PLAC1: variants seen among roughly 807,000 people sequenced by gnomAD.
PLAC1 encodes the protein placenta-specific protein 1.
For missense variants in PLAC1, 136 were observed against 163.2 expected (o/e 0.83, Z 0.91); for synonymous variants, 68 against 62.1 (o/e 1.09, Z -0.44).
chrX:134,694,167 C>T (rs2078554457), intron 2 of PLAC1, among the ~76,000 whole-genome samples: 2 of 111,219 alleles, frequency 1.8e-5, no homozygotes, highest in South Asian at 7.7e-4. Flanking sequence ...TGAGTAGAGC[C>T]TGTGTCTAAA....
chrX:134,577,618 G>A (rs1050459368), intron 2 of PLAC1, among the ~76,000 whole-genome samples: 4 of 111,020 alleles, frequency 3.6e-5, no homozygotes, highest in African/African-American at 9.8e-5. Flanking sequence ...GAACTGGGGG[G>A]CAGAGGTTGC....
intron 2 of PLAC1, among the ~76,000 whole-genome samples, chrX:134,594,323 C>A (rs2078052876): frequency 9.0e-6 from 1 of 111,279 alleles, no homozygotes; most frequent in Non-Finnish European, 1.9e-5. Context: ...TTAATTTTTG[C>A]ATTTACATTC....
intron 1 of PLAC1, among the ~76,000 whole-genome samples, chrX:134,610,126 C>T (rs752677980): frequency 9.0e-5 from 10 of 110,860 alleles, no homozygotes; most frequent in Admixed American, 1.9e-4. Context: ...TACAGGCGTG[C>T]GCCACCACAC....
At chrX:134,568,287 T>C (rs1349284630) in intron 2 of PLAC1, among the ~76,000 whole-genome samples, 2 of 113,074 alleles carry the variant, frequency 1.8e-5, no homozygotes, top group South Asian at 3.6e-4. Flanking sequence ...ATGCCTACTA[T>C]GTGCACGGCA....
At chrX:134,655,805 C>T (rs2078388713) in intron 1 of PLAC1, among the ~76,000 whole-genome samples, 1 of 112,468 alleles carries the variant, frequency 8.9e-6, no homozygotes, top group Non-Finnish European at 1.9e-5. Flanking sequence ...AAACCAGGCT[C>T]TGTTTTATAT....
intron 2 of PLAC1, among the ~76,000 whole-genome samples, chrX:134,585,908 G>A (rs1282109755): frequency 8.9e-6 from 1 of 112,041 alleles, no homozygotes; most frequent in African/African-American, 3.2e-5. Context: ...GACTTCCTGA[G>A]TCACAGCATT....
intron 1 of PLAC1, among the ~76,000 whole-genome samples, chrX:134,639,672 T>A (rs888448697): frequency 8.9e-6 from 1 of 112,333 alleles, no homozygotes; most frequent in Middle Eastern, 4.2e-3. Context: ...ATCACCTCTA[T>A]CTAGTTCCAA....
chrX:134,655,864 G>T (rs2032508927), intron 1 of PLAC1, among the ~76,000 whole-genome samples: 1 of 112,255 alleles, frequency 8.9e-6, no homozygotes, highest in Non-Finnish European at 1.9e-5. Flanking sequence ...CCTAGTAGCA[G>T]CATTGCCCAG....
At chrX:134,569,427 C>G (rs933468026) in intron 2 of PLAC1, among the ~76,000 whole-genome samples, 10 of 111,422 alleles carry the variant, frequency 9.0e-5, no homozygotes, top group African/African-American at 3.3e-4. Context: ...TTTCCTCTGA[C>G]TTTCATAAAG....
chrX:134,618,597 G>GTTTTTTTATGTTT (rs1384610270), intron 1 of PLAC1, among the ~76,000 whole-genome samples: 2 of 111,249 alleles, frequency 1.8e-5, no homozygotes, highest in Non-Finnish European at 3.8e-5. Context: ...TTTTATTTTA[G>GTTTTTTTATGTTT]TAGAGACGTG....
intron 2 of PLAC1, among the ~76,000 whole-genome samples, chrX:134,700,815 T>C (rs1401232771): frequency 8.9e-6 from 1 of 111,956 alleles, no homozygotes; most frequent in Non-Finnish European, 1.9e-5. Context: ...GAAAAACATA[T>C]AATACTCAGG....
At chrX:134,611,108 G>A (rs919371111) in intron 1 of PLAC1, among the ~76,000 whole-genome samples, 1 of 110,663 alleles carries the variant, frequency 9.0e-6, no homozygotes, top group Non-Finnish European at 1.9e-5. Context: ...TCGAACTCCT[G>A]GGCTCAAGTG....
intron 1 of PLAC1, among the ~76,000 whole-genome samples, chrX:134,761,416 A>G (rs1008705625): frequency 8.9e-6 from 1 of 112,041 alleles, no homozygotes; most frequent in Non-Finnish European, 1.9e-5. Context: ...AGAACCCCCA[A>G]ATCATCCCTG....
chrX:134,595,962 A>G (rs1427700211), intron 2 of PLAC1, among the ~76,000 whole-genome samples: 2 of 109,938 alleles, frequency 1.8e-5, no homozygotes, highest in African/African-American at 3.3e-5. Flanking sequence ...TATTTTGGGG[A>G]ATATTGTAAC....
At chrX:134,691,617 T>C (rs146652905) in intron 2 of PLAC1, among the ~76,000 whole-genome samples, 26 of 112,077 alleles carry the variant, frequency 2.3e-4, no homozygotes, top group African/African-American at 7.4e-4. Flanking sequence ...TCTGGAAATT[T>C]GACTGTTTAG....
intron 1 of PLAC1, among the ~76,000 whole-genome samples, chrX:134,759,037 A>C (rs191109680): frequency 6.3e-4 from 71 of 112,179 alleles, no homozygotes; most frequent in Admixed American, 9.5e-4. Flanking sequence ...TACATCGCTA[A>C]TCATCAGATA....
chrX:134,588,167 G>T (rs1256395787), intron 2 of PLAC1, among the ~76,000 whole-genome samples: 1 of 111,004 alleles, frequency 9.0e-6, no homozygotes, highest in Non-Finnish European at 1.9e-5. Flanking sequence ...ACTATGATTT[G>T]ATTAGCTTAC....
At position 134,594,949 on chromosome X, in the gene PLAC1, A is replaced by G. The variant is rs564877997; in HGVS notation, c.-59+7102T>C. 5.6e-5 allele frequency among the ~76,000 whole-genome samples: 6 copies of G among 107,411 alleles called. No homozygotes were observed. In the South Asian group the frequency reaches 2.1e-3, roughly 37 times the overall value. 93.3% of individuals were successfully genotyped at this position (107,411 alleles called of 115,157 possible). On this transcript the variant is annotated intron_variant, in intron 2 of 2. Coordinates refer to ENST00000359237, the MANE Select transcript of PLAC1 (RefSeq NM_021796.4). ...TTCTAGGTTCTTGAGGTGGAAGCTT[A>G]GATTACTGACTTGAGACCTTTCCTC... is the stretch of plus-strand genomic sequence containing the variant.
intron 2 of PLAC1, among the ~76,000 whole-genome samples, chrX:134,667,273 A>G (rs1014191639): frequency 8.9e-6 from 1 of 112,393 alleles, no homozygotes. Flanking sequence ...GAAATTACAT[A>G]TCTCATAAGA....
Sources: gnomAD v4.1 joint callset for allele counts (sites outside exome capture counted in the v4.1 genomes callset) on GRCh38, gnomAD v4.1.1 for gene constraint, MANE v1.5 for transcripts, NCBI Gene and HGNC (gene_info 2026-07-23, HGNC 2026-07-21) for gene names.